The following SETMAR variants were observed in gnomAD, a reference collection of about 807,000 sequenced individuals.
The protein encoded by SETMAR is histone-lysine N-methyltransferase SETMAR.
Under a neutral mutation model 58.4 loss-of-function variants are expected in SETMAR, and 44 were observed. That is an observed-to-expected ratio of 0.75 (90% CI 0.59 to 0.97). The LOEUF (loss-of-function observed/expected upper bound fraction) is 0.97, where lower values mean the gene tolerates loss of function less well. Ranked by LOEUF, SETMAR falls within the 50% of genes least tolerant of loss-of-function variation. SETMAR has a pLI of 0.00. For synonymous variants in SETMAR, 332 were observed against 307.4 expected (o/e 1.08, Z -0.84); for missense variants, 903 against 840.2 (o/e 1.07, Z -0.92).
intron 1 of SETMAR, among the ~76,000 whole-genome samples, chr3:4,310,063 G>T (rs1022563686): frequency 6.6e-6 from 1 of 152,160 alleles, no homozygotes; most frequent in African/African-American, 2.4e-5. Flanking sequence ...GTAGATACTT[G>T]TAACGCAGTG....
At chr3:4,305,211 G>A (rs575310984) in intron 1 of SETMAR, among the ~76,000 whole-genome samples, 1 of 152,032 alleles carries the variant, frequency 6.6e-6, no homozygotes, top group Admixed American at 6.5e-5. Context: ...TCAGCTTCCC[G>A]AGTAGCTGGA....
chr3:4,316,244 T>G lies in SETMAR; in HGVS notation c.1053T>G (p.Ile351Met). ...TMKMMLDKKQ[I>M]RAIFLFEFKM... ...AAATGATGTTAGACAAAAAGCAAAT[T>G]CGAGCAATTTTCTTATTCGAGTTCA... The change falls in exon 3 of 3, where the codon ATT (isoleucine) becomes ATG (methionine). Residue 351 changes from isoleucine to methionine, a missense_variant. By Grantham distance (10) the Ile-to-Met change is conservative. Coordinates refer to ENST00000358065, the MANE Select transcript of SETMAR (RefSeq NM_006515.4). 1 of 753,506 alleles carries G rather than the reference T, an allele frequency of 1.3e-6. No individual in the cohort carries two copies. Among genetic ancestry groups the G allele is most frequent in the East Asian group, 2.7e-5 (1 of 37,484 alleles). The allele number at this position is 753,506 out of a possible 1,614,324, so 46.7% of individuals were successfully genotyped here.
At chr3:4,303,887 C>T (rs1312220266) in intron 1 of SETMAR, 1 of 1,261,426 alleles carries the variant, frequency 7.9e-7, no homozygotes, top group Non-Finnish European at 1.0e-6. Context: ...AGCCGTGGGG[C>T]CTATTAATGG....
In SETMAR at chr3:4,316,440, T is replaced by C. The variant is rs557795399; in HGVS notation, c.1249T>C (p.Leu417=). 2.5e-6 allele frequency: 4 copies of C among 1,599,028 alleles called. No individual in the cohort carries two copies. The highest frequency in any genetic ancestry group is 1.7e-5 in the Admixed American group (1 of 58,822). Reference sequence around the variant, plus strand: ...GCCATCAGAAGTTGACAACGACCAGTTGAGAGCAATCATCGAAGCTGATCC... The same window carrying C: ...GCCATCAGAAGTTGACAACGACCAGCTGAGAGCAATCATCGAAGCTGATCC... ...GRPSEVDNDQ[L]RAIIEADPLT... is the part of the protein sequence containing the mutation. The change falls in exon 3 of 3, where the codon TTG becomes CTG. Residue 417 remains leucine, a synonymous_variant. Transcript: ENST00000358065.
intron 1 of SETMAR, among the ~76,000 whole-genome samples, chr3:4,312,047 GAC>G: frequency 6.6e-6 from 1 of 152,084 alleles, no homozygotes; most frequent in African/African-American, 2.4e-5. Context: ...ACATTTAAAT[GAC>G]AGATTTTTTT....
rs575310984 is a variant in SETMAR at position 4,305,211 on chromosome 3, G to C, written c.156+1685G>C. On this transcript the variant is annotated intron_variant, in intron 1 of 2. Coordinates refer to ENST00000358065, the MANE Select transcript of SETMAR (RefSeq NM_006515.4). The stretch of plus-strand genomic sequence containing the variant: ...AGCGATTCTTCCACCTCAGCTTCCC[G>C]AGTAGCTGGAATTACAGGCGCCTAC... Among the ~76,000 whole-genome samples the C allele has an allele frequency of 2.6e-5, 4 of 152,150 alleles. No homozygotes were observed. The East Asian group carries it at 7.7e-4, about 29-fold the overall frequency.
Position 4,316,566 on chromosome 3 carries a change from T to C in SETMAR, c.1375T>C (p.Trp459Arg). The stretch of plus-strand genomic sequence containing the variant: ...TGGAAAGGTGAAAAAGCTCGATAAG[T>C]GGGTGCCTCATGAGCTGACTGAAAA... Reference protein sequence around the residue: ...QIGKVKKLDKWVPHELTENQK... With the variant: ...QIGKVKKLDKRVPHELTENQK... The change falls in exon 3 of 3, where the codon TGG (tryptophan) becomes CGG (arginine). Residue 459 changes from tryptophan to arginine, a missense_variant. By Grantham distance (101) the Trp-to-Arg change is moderately radical (BLOSUM62 -3). Transcript: ENST00000358065. The C allele has an allele frequency of 6.4e-7, 1 of 1,554,114 alleles. No individual in the cohort carries two copies. The highest frequency in any genetic ancestry group is 8.7e-7 in the Non-Finnish European group (1 of 1,148,168).
At chr3:4,309,461 T>C (rs1698318749) in intron 1 of SETMAR, among the ~76,000 whole-genome samples, 2 of 152,272 alleles carry the variant, frequency 1.3e-5, no homozygotes, top group Middle Eastern at 3.4e-3. Flanking sequence ...CTACCCAGGG[T>C]GTATCAGTCA....
intron 1 of SETMAR, among the ~76,000 whole-genome samples, chr3:4,306,886 A>G (rs569864236): frequency 1.3e-5 from 2 of 152,370 alleles, no homozygotes; most frequent in African/African-American, 4.8e-5. Context: ...TCATAATGTC[A>G]TCAGTGTTGA....
intron 1 of SETMAR, among the ~76,000 whole-genome samples, 176 bp from the exon 2 acceptor site, chr3:4,312,722 C>G (rs1473708170): frequency 8.1e-6 from 1 of 124,140 alleles, no homozygotes; most frequent in African/African-American, 3.4e-5. Context: ...AAAAAAAAAA[C>G]TTGTTTTATT....
intron 1 of SETMAR, among the ~76,000 whole-genome samples, chr3:4,312,473 T>TAA: frequency 6.6e-6 from 1 of 152,238 alleles, no homozygotes; most frequent in African/African-American, 2.4e-5. Flanking sequence ...TACCTATATA[T>TAA]AACATACTAT....
chr3:4,310,646 T>A (rs1337066726), intron 1 of SETMAR, among the ~76,000 whole-genome samples: 3 of 152,200 alleles, frequency 2.0e-5, no homozygotes, highest in Non-Finnish European at 2.9e-5. Flanking sequence ...TGCAGAATTT[T>A]AAAAAATATA....
intron 1 of SETMAR, chr3:4,303,968 G>C: frequency 1.3e-6 from 1 of 786,616 alleles, no homozygotes; most frequent in Non-Finnish European, 1.7e-6. Flanking sequence ...TCACGCTGTG[G>C]GCTCTTGGGC....
intron 1 of SETMAR, among the ~76,000 whole-genome samples, chr3:4,308,409 AGTAAT>A (rs1359960355): frequency 1.3e-5 from 2 of 152,244 alleles, no homozygotes; most frequent in African/African-American, 4.8e-5. Context: ...TAAGATGTTT[AGTAAT>A]GTAAAGTAAT....
At chr3:4,303,590 C>G in intron 1 of SETMAR, 64 bp downstream of exon 1, 2 of 1,376,820 alleles carry the variant, frequency 1.5e-6, no homozygotes, top group Non-Finnish European at 1.9e-6. Flanking sequence ...TCTCCTCAAG[C>G]CGCCTCGCTG....
chr3:4,309,636 C>A (rs1371994405), intron 1 of SETMAR, among the ~76,000 whole-genome samples: 1 of 152,192 alleles, frequency 6.6e-6, no homozygotes, highest in Non-Finnish European at 1.5e-5. Flanking sequence ...CCCCTTCACA[C>A]CCCTGCTTCC....
intron 1 of SETMAR, among the ~76,000 whole-genome samples, chr3:4,310,210 G>A (rs915367839): frequency 1.2e-4 from 18 of 152,244 alleles, no homozygotes; most frequent in African/African-American, 3.1e-4. Context: ...AAGTTTAACC[G>A]CGTGGCATGT....
chr3:4,313,904 T>G, intron 2 of SETMAR, 143 bp downstream of exon 2: 4 of 1,405,346 alleles, frequency 2.8e-6, no homozygotes, highest in Non-Finnish European at 3.8e-6. Context: ...CCTTTCCCCT[T>G]TCTGTAATAG....
chr3:4,307,810 G>C (rs1354412375), intron 1 of SETMAR, among the ~76,000 whole-genome samples: 1 of 152,182 alleles, frequency 6.6e-6, no homozygotes, highest in East Asian at 1.9e-4. Context: ...GCCAAGGCGG[G>C]AGAATCACTT....
Sources: allele counts gnomAD v4.1 joint callset (sites outside exome capture counted in the v4.1 genomes callset), GRCh38; gene constraint gnomAD v4.1.1; transcripts MANE v1.5; gene names NCBI Gene and HGNC (gene_info 2026-07-23, HGNC 2026-07-21).